Variants in ADCY2 observed in about 807,000 individuals in gnomAD.
ADCY2 encodes the protein adenylate cyclase 2, also known as adenylate cyclase type 2.
Under a neutral mutation model 125.2 loss-of-function variants are expected in ADCY2, and 31 were observed. The observed-to-expected ratio is 0.25, with a 90% CI of 0.19 to 0.33. The LOEUF (loss-of-function observed/expected upper bound fraction) is 0.33, where lower values mean the gene tolerates loss of function less well. ADCY2 is among the 10% of genes least tolerant of loss of function. The pLI is 1.00. For missense variants in ADCY2, 904 were observed against 1,418.2 expected, an observed-to-expected ratio of 0.64 and a Z score of 5.82; for synonymous variants, 512 against 548.4, an observed-to-expected ratio of 0.93 and a Z score of 0.93.
chr5:7,784,898 C>A (rs902335920), intron 19 of ADCY2, among the ~76,000 whole-genome samples: 1 of 152,152 alleles, frequency 6.6e-6, no homozygotes, highest in Non-Finnish European at 1.5e-5. Context: ...GAAATATGAT[C>A]CCCTGTTAAA....
intron 2 of ADCY2, among the ~76,000 whole-genome samples, chr5:7,468,032 T>G (rs1742189285): frequency 6.6e-6 from 1 of 152,234 alleles, no homozygotes; most frequent in African/African-American, 2.4e-5. Context: ...TTAAATATTA[T>G]AAAAATATCC....
At chr5:7,701,549 T>C (rs1445929155) in intron 7 of ADCY2, among the ~76,000 whole-genome samples, 1 of 152,202 alleles carries the variant, frequency 6.6e-6, no homozygotes. Context: ...GCAGTGATGT[T>C]GAGTAAATTC....
chr5:7,598,906 T>C (rs916224493), intron 3 of ADCY2, among the ~76,000 whole-genome samples: 2 of 152,220 alleles, frequency 1.3e-5, no homozygotes, highest in African/African-American at 2.4e-5. Flanking sequence ...GAATCCATGG[T>C]GGACTTCAGA....
At chr5:7,479,848 G>A (rs111744730) in intron 2 of ADCY2, among the ~76,000 whole-genome samples, 14 of 152,168 alleles carry the variant, frequency 9.2e-5, no homozygotes, top group African/African-American at 2.9e-4. Context: ...AATGTGCAAA[G>A]TTAGTGTTTC....
At chr5:7,660,395 A>C (rs1739487222) in intron 4 of ADCY2, among the ~76,000 whole-genome samples, 1 of 151,896 alleles carries the variant, frequency 6.6e-6, no homozygotes, top group Non-Finnish European at 1.5e-5. Flanking sequence ...AGGGTTGTTG[A>C]CTCTGATTTT....
At chr5:7,533,621 T>C (rs1734721326) in intron 3 of ADCY2, among the ~76,000 whole-genome samples, 1 of 151,092 alleles carries the variant, frequency 6.6e-6, no homozygotes, top group South Asian at 2.1e-4. Context: ...AAAATAGCTC[T>C]CCCTCTATGT....
intron 7 of ADCY2, among the ~76,000 whole-genome samples, chr5:7,706,376 T>G (rs907842327): frequency 6.6e-6 from 1 of 152,228 alleles, no homozygotes; most frequent in Non-Finnish European, 1.5e-5. Flanking sequence ...CAAACCCTGT[T>G]TAAGACTGTT....
At chr5:7,529,646 A>G (rs1287593230) in intron 3 of ADCY2, among the ~76,000 whole-genome samples, 1 of 152,330 alleles carries the variant, frequency 6.6e-6, no homozygotes, top group African/African-American at 2.4e-5. Context: ...AGCTGTCTGC[A>G]GTGAAGTAGA....
At chr5:7,578,324 CA>C (rs1390370741) in intron 3 of ADCY2, among the ~76,000 whole-genome samples, 2 of 152,114 alleles carry the variant, frequency 1.3e-5, no homozygotes, top group Admixed American at 1.3e-4. Context: ...CAAATTGAAA[CA>C]GAAGTCTTGA....
At chr5:7,616,272 C>T (rs1172273712) in intron 3 of ADCY2, among the ~76,000 whole-genome samples, 1 of 152,156 alleles carries the variant, frequency 6.6e-6, no homozygotes, top group East Asian at 1.9e-4. Flanking sequence ...CACCAGTCTT[C>T]CTTCAATCAC....
At chr5:7,810,294 T>C (rs952129079) in intron 22 of ADCY2, among the ~76,000 whole-genome samples, 1 of 152,056 alleles carries the variant, frequency 6.6e-6, no homozygotes, top group African/African-American at 2.4e-5. Context: ...GCTTGAATGG[T>C]GGGTTATCTA....
intron 14 of ADCY2, among the ~76,000 whole-genome samples, chr5:7,736,922 T>C (rs1190048515): frequency 1.3e-5 from 2 of 151,954 alleles, no homozygotes; most frequent in African/African-American, 4.8e-5. Context: ...GTTCCATTTA[T>C]AAAAAAAATT....
intron 4 of ADCY2, among the ~76,000 whole-genome samples, chr5:7,671,035 G>A (rs140431841): frequency 1.1e-3 from 162 of 152,314 alleles, no homozygotes; most frequent in African/African-American, 3.8e-3. Flanking sequence ...AATCTTTAAT[G>A]TGATTTTAAT....
chr5:7,774,349 T>C (rs559603304), intron 18 of ADCY2, among the ~76,000 whole-genome samples: 3 of 152,386 alleles, frequency 2.0e-5, no homozygotes, highest in Non-Finnish European at 2.9e-5. Context: ...AAGTTAATTT[T>C]CCAATAAATT....
intron 1 of ADCY2, among the ~76,000 whole-genome samples, chr5:7,400,407 A>G (rs1044397136): frequency 2.0e-5 from 3 of 152,236 alleles, no homozygotes; most frequent in Admixed American, 2.0e-4. Context: ...TCAATGTTCC[A>G]GCATCAGATA....
chr5:7,626,568 C>T (rs559887695), intron 4 of ADCY2, among the ~76,000 whole-genome samples: 1 of 152,238 alleles, frequency 6.6e-6, no homozygotes, highest in African/African-American at 2.4e-5. Context: ...GAAGCCTGTG[C>T]CATGTCTACT....
At chr5:7,468,493 AAGGT>A (rs1328600629) in intron 2 of ADCY2, among the ~76,000 whole-genome samples, 10 of 152,152 alleles carry the variant, frequency 6.6e-5, no homozygotes, top group African/African-American at 2.4e-4. Flanking sequence ...ATTGCCATTG[AAGGT>A]ATGATTCTGT....
At chr5:7,499,638 T>C (rs1439660996) in intron 2 of ADCY2, among the ~76,000 whole-genome samples, 3 of 135,020 alleles carry the variant, frequency 2.2e-5, no homozygotes, top group Non-Finnish European at 3.1e-5. Context: ...GAAGTACATA[T>C]ATGTGGGTGG....
intron 3 of ADCY2, among the ~76,000 whole-genome samples, chr5:7,613,633 C>T (rs560225303): frequency 1.3e-5 from 2 of 152,342 alleles, no homozygotes; most frequent in South Asian, 4.1e-4. Flanking sequence ...ATCTCATAGG[C>T]GTGACTGACT....
Sources: allele counts gnomAD v4.1 joint callset (sites outside exome capture counted in the v4.1 genomes callset), GRCh38; gene constraint gnomAD v4.1.1; transcripts MANE v1.5; gene names NCBI Gene and HGNC (gene_info 2026-07-23, HGNC 2026-07-21).